The following ROGDI variants were observed in gnomAD, a reference collection of about 807,000 sequenced individuals.
ROGDI encodes the protein protein rogdi homolog.
Under a neutral mutation model 43.1 loss-of-function variants are expected in ROGDI, and 46 were observed. That is an observed-to-expected ratio of 1.07 (90% CI 0.84 to 1.37). The LOEUF (loss-of-function observed/expected upper bound fraction) is 1.37, where lower values mean the gene tolerates loss of function less well. Among genes scored for constraint, ROGDI ranks in the 40% most tolerant of loss-of-function variants. The pLI, the probability that ROGDI is intolerant of heterozygous loss-of-function variation, is 0.00. For missense variants in ROGDI, 518 were observed against 383.9 expected, an observed-to-expected ratio of 1.35 and a Z score of -2.92; for synonymous variants, 243 against 162.0, an observed-to-expected ratio of 1.50 and a Z score of -3.80.
At chr16:4,797,665 G>A (rs1343243266) in intron 10 of ROGDI, 49 bp downstream of exon 10, 8 of 1,612,170 alleles carry the variant, frequency 5.0e-6, no homozygotes, top group Non-Finnish European at 5.9e-6. Flanking sequence ...GGTGTGGCAA[G>A]GACCCTTAGA....
In ROGDI at chr16:4,801,222, C is replaced by G. The variant is rs142747522; in HGVS notation, c.255+45G>C. On this transcript the variant is annotated intron_variant, in intron 4 of 10. Coordinates refer to ENST00000322048, the MANE Select transcript of ROGDI (RefSeq NM_024589.3). ...GAGAGAAAGTGGGAGCTCCCATGCTCTTCCCCATTGGCAGGATGGGAGGGG... is the reference window on the plus strand; with the variant it reads ...GAGAGAAAGTGGGAGCTCCCATGCTGTTCCCCATTGGCAGGATGGGAGGGG... The G allele has an allele frequency of 1.1e-3, 1,723 of 1,524,762 alleles. 20 individuals carry two copies. In the African/African-American group the frequency reaches 0.021, roughly 19 times the overall value. 94.5% of individuals were successfully genotyped at this position (1,524,762 alleles called of 1,614,324 possible).
intron 4 of ROGDI, 160 bp from the exon 5 acceptor site, chr16:4,800,738 TTGAACAG>T (rs1378779124): frequency 1.6e-6 from 1 of 608,122 alleles, no homozygotes; most frequent in Non-Finnish European, 2.9e-6. Flanking sequence ...CGTTTGGGGG[TTGAACAG>T]GGAGGTCAGG....
At chr16:4,798,236 A>G in intron 7 of ROGDI, 52 bp from the exon 8 acceptor site, 6 of 1,461,146 alleles carry the variant, frequency 4.1e-6, no homozygotes, top group East Asian at 2.3e-5. Context: ...CCCAGGCTGG[A>G]TGGAGCGGGG....
At chr16:4,802,286 T>G in intron 2 of ROGDI, 96 bp downstream of exon 2, 1 of 1,150,756 alleles carries the variant, frequency 8.7e-7, no homozygotes, top group Non-Finnish European at 1.2e-6. Context: ...CCGCACACTG[T>G]AGGCGCTCAG....
rs374259109 is a variant in ROGDI, at chr16:4,797,509, G to A, written c.823-8C>T. On this transcript the variant is annotated splice_region_variant and splice_polypyrimidine_tract_variant and intron_variant, in intron 10 of 10. Coordinates refer to ENST00000322048, the MANE Select transcript of ROGDI (RefSeq NM_024589.3). ...GCTGGAGAACACGGAGATCTGCAAG[G>A]GGAGAGGGTGCTGTAGGTTGCTGAA... is the stretch of plus-strand genomic sequence containing the variant. The A allele has an allele frequency of 5.2e-5, 80 of 1,549,544 alleles. No individual in the cohort carries two copies. The highest frequency in any genetic ancestry group is 6.8e-5 in the Non-Finnish European group (78 of 1,145,028).
intron 2 of ROGDI, chr16:4,801,934 A>G: frequency 1.8e-6 from 1 of 567,084 alleles, no homozygotes; most frequent in Non-Finnish European, 3.3e-6. Context: ...GGGCCACAGC[A>G]AGCACTACGC....
intron 6 of ROGDI, 120 bp from the exon 7 acceptor site, chr16:4,798,787 C>T: frequency 2.4e-6 from 2 of 824,650 alleles, no homozygotes; most frequent in South Asian, 1.6e-5. Flanking sequence ...GGTCCCGAAA[C>T]CCGGCAGCAG....
In ROGDI at chr16:4,798,085, G is replaced by T. The variant is rs943573881; in HGVS notation, c.631C>A (p.Pro211Thr). 3.7e-6 allele frequency: 6 copies of T among 1,613,854 alleles called. No individual in the cohort carries two copies. Among genetic ancestry groups the T allele is most frequent in the Non-Finnish European group, 4.2e-6 (5 of 1,179,924 alleles). ...TCCCTCCTCACCTTGGTGGAGTTGG[G>T]CTGCAGGGCATGCAGCTGGTACACC... ...LTVYQLHALQ[P>T]NSTKNFRPAG... is the part of the protein sequence containing the mutation. The change falls in exon 8 of 11, where the codon CCC (proline) becomes ACC (threonine). Residue 211 changes from proline (P) to threonine (T), a missense_variant. Coordinates refer to ENST00000322048, the MANE Select transcript of ROGDI (RefSeq NM_024589.3).
At chr16:4,801,195 C>A in intron 4 of ROGDI, 72 bp downstream of exon 4, 2 of 1,335,166 alleles carry the variant, frequency 1.5e-6, no homozygotes, top group Non-Finnish European at 2.1e-6. Flanking sequence ...AGGGCTTGTA[C>A]AGAGAGAAAG....
At chr16:4,800,313 C>T (rs1324999777) in intron 5 of ROGDI, among the ~76,000 whole-genome samples, 185 bp downstream of exon 5, 1 of 152,208 alleles carries the variant, frequency 6.6e-6, no homozygotes, top group Non-Finnish European at 1.5e-5. Context: ...TCTCTACCTC[C>T]CCACATGGCG....
In ROGDI at chr16:4,798,292, C is replaced by T. The variant is rs542174489; in HGVS notation, c.532-108G>A. The T allele has an allele frequency of 6.1e-5, 56 of 918,402 alleles. 1 individual carries two copies. The highest frequency in any genetic ancestry group is 6.3e-4 in the Middle Eastern group (2 of 3,154). The allele number at this position is 918,402 out of a possible 1,614,324, so 56.9% of individuals were successfully genotyped here. ...TCTGCAGGGGATCCCAGTCCCCACCCCAGAGATGCTCTTCTCATCAATGGG... is the reference window on the plus strand; with the variant it reads ...TCTGCAGGGGATCCCAGTCCCCACCTCAGAGATGCTCTTCTCATCAATGGG... On this transcript the variant is annotated intron_variant, in intron 7 of 10. Coordinates refer to ENST00000322048, the MANE Select transcript of ROGDI (RefSeq NM_024589.3).
intron 7 of ROGDI, 146 bp downstream of exon 7, chr16:4,798,422 AG>A: frequency 1.4e-6 from 1 of 734,938 alleles, no homozygotes; most frequent in Middle Eastern, 3.9e-4. Flanking sequence ...ACAGGACGGA[AG>A]CCAAGGACCC....
chr16:4,800,944 A>G (rs1025832988), intron 4 of ROGDI: 5 of 506,116 alleles, frequency 9.9e-6, no homozygotes, highest in Non-Finnish European at 1.8e-5. Context: ...CCTGGCACAG[A>G]GTCGGGTGCA....
At position 4,798,806 on chromosome 16, in the gene ROGDI, TAA is replaced by T. The variant is rs3214843; in HGVS notation, c.433-141_433-140del. 0.14 allele frequency: 96,660 copies of T among 687,858 alleles called. 7,823 individuals carry two copies. The highest frequency in any genetic ancestry group is 0.21 in the Admixed American group (7,828 of 36,522). 42.6% of individuals were successfully genotyped at this position (687,858 alleles called of 1,614,324 possible). On this transcript the variant is annotated intron_variant, in intron 6 of 10. Transcript: ENST00000322048. ...CCGAAACCCGGCAGCAGGGACCTGT[TAA>T]AGACAGGTAGTTGGGCTCCAGCTGG...
chr16:4,797,518 T>A lies in ROGDI; in HGVS notation c.823-17A>T. 7.0e-7 allele frequency: 1 copy of A among 1,419,394 alleles called. No individual in the cohort carries two copies. The highest frequency in any genetic ancestry group is 9.3e-7 in the Non-Finnish European group (1 of 1,073,842). The allele number at this position is 1,419,394 out of a possible 1,614,324, so 87.9% of individuals were successfully genotyped here. On this transcript the variant is annotated splice_polypyrimidine_tract_variant and intron_variant, in intron 10 of 10. Transcript: ENST00000322048. ...CACGGAGATCTGCAAGGGGAGAGGG[T>A]GCTGTAGGTTGCTGAAGGGGGATGG...
In ROGDI at chr16:4,802,547, C is replaced by T. The variant is rs2141915981; in HGVS notation, c.25G>A (p.Ala9Thr). 1.6e-6 allele frequency: 2 copies of T among 1,285,490 alleles called. No homozygotes were observed. The highest frequency in any genetic ancestry group is 2.2e-5 in the South Asian group (1 of 45,056). The allele number at this position is 1,285,490 out of a possible 1,614,324, so 79.6% of individuals were successfully genotyped here. ...CTTACCAGCACCGCCCGCTCCGCCGCCGTCGCTGCCATCACGGTGGCCATG... is the reference window on the plus strand; with the variant it reads ...CTTACCAGCACCGCCCGCTCCGCCGTCGTCGCTGCCATCACGGTGGCCATG... MATVMAAT[A>T]AERAVLEEEF... The change falls in exon 1 of 11, where the codon GCG (alanine) becomes ACG (threonine). Residue 9 changes from alanine to threonine, a missense_variant. Ala to Thr is a moderately conservative substitution (Grantham distance 58). Transcript: ENST00000322048.
At chr16:4,801,006 T>C in intron 4 of ROGDI, 1 of 510,300 alleles carries the variant, frequency 2.0e-6, no homozygotes, top group Non-Finnish European at 3.5e-6. Context: ...GCCAGCCTAA[T>C]CCACCAATGC....
chr16:4,798,846 G>T (rs375474166), intron 6 of ROGDI, 179 bp from the exon 7 acceptor site: 11 of 605,420 alleles, frequency 1.8e-5, no homozygotes, highest in East Asian at 1.1e-4. Context: ...ATGGAGGAGG[G>T]CAGGATGTCT....
intron 5 of ROGDI, 150 bp downstream of exon 5, chr16:4,800,348 C>G (rs977720700): frequency 4.5e-6 from 3 of 672,992 alleles, no homozygotes; most frequent in South Asian, 3.8e-5. Context: ...TCAGGAAACG[C>G]CTGCCCCCAG....
Sources: allele counts gnomAD v4.1 joint callset (sites outside exome capture counted in the v4.1 genomes callset), GRCh38; gene constraint gnomAD v4.1.1; transcripts MANE v1.5; gene names NCBI Gene and HGNC (gene_info 2026-07-23, HGNC 2026-07-21).